Variants in COX5B observed in about 807,000 individuals in gnomAD.
COX5B encodes cytochrome c oxidase subunit 5B.
A neutral mutation model predicts 16.2 loss-of-function variants in COX5B; 8 were observed. The ratio of observed to expected loss-of-function variants is 0.49; its 90% CI spans 0.29 to 0.89. The LOEUF is 0.89. COX5B is among the 40% of genes least tolerant of loss of function. COX5B has a pLI of 0.08. For missense variants in COX5B, 161 were observed against 168.7 expected, an observed-to-expected ratio of 0.95 and a Z score of 0.25; for synonymous variants, 65 against 67.6, an observed-to-expected ratio of 0.96 and a Z score of 0.19.
rs555378905 is a variant in COX5B at position 97,648,370 on chromosome 2, A to G, written c.*262A>G. On this transcript the variant is annotated 3_prime_UTR_variant, in exon 4 of 4. Transcript: ENST00000258424. ...GACAACCCGTAATGCAATGAATGGG[A>G]CCACCTGGTATGAGAGAAAGGGGCG... 28 of 374,690 alleles carry G rather than the reference A, an allele frequency of 7.5e-5. No homozygotes were observed. The highest frequency in any genetic ancestry group is 5.9e-4 in the African/African-American group (28 of 47,306). The allele number at this position is 374,690 out of a possible 1,614,324, so 23.2% of individuals were successfully genotyped here. A position where few individuals can be genotyped will look rare whatever the true frequency, so the allele number is the denominator to read the frequency against.
At chr2:97,646,286 T>TCCCAGTGGCCGCTTTACGGTC (rs1387739837) in intron 1 of COX5B, 97 bp downstream of exon 1, 1 of 746,262 alleles carries the variant, frequency 1.3e-6, no homozygotes. Flanking sequence ...CTTCTCGAGG[T>TCCCAGTGGCCGCTTTACGGTC]CCCAGTGGCC....
chr2:97,647,202 G>C, intron 2 of COX5B, 62 bp downstream of exon 2: 1 of 1,569,266 alleles, frequency 6.4e-7, no homozygotes, highest in Non-Finnish European at 8.8e-7. Context: ...TGTTCATAGT[G>C]GTCTCCTCTC....
chr2:97,648,075 T>C lies in COX5B; in HGVS notation c.357T>C (p.His119=). ...AGCGATGCCCCCGCTGTGGAGCCCA[T>C]TACAAGCTGGTGCCCCAGCAGCTGG... ...EAQRCPRCGA[H]YKLVPQQLAH is the part of the protein sequence containing the mutation. Residue 119 remains histidine, a synonymous_variant, in exon 4 of 4, where the codon CAT becomes CAC. Coordinates refer to ENST00000258424, the MANE Select transcript of COX5B (RefSeq NM_001862.3). 1 of 1,610,066 alleles carries C rather than the reference T, an allele frequency of 6.2e-7. No individual in the cohort carries two copies. Among genetic ancestry groups the C allele is most frequent in the South Asian group, 1.1e-5 (1 of 90,356 alleles).
Position 97,648,198 on chromosome 2 carries a change from G to A in COX5B, c.*90G>A. ...TGCATTGGCTCCTTCTCCCATAGAT[G>A]GCTGGTCTTATTTCTTACCCGTATT... On this transcript the variant is annotated 3_prime_UTR_variant, in exon 4 of 4. Transcript: ENST00000258424. 1.8e-6 allele frequency: 2 copies of A among 1,084,310 alleles called. No homozygotes were observed. Among genetic ancestry groups the A allele is most frequent in the Non-Finnish European group, 2.6e-6 (2 of 765,174 alleles). The allele number at this position is 1,084,310 out of a possible 1,614,324, so 67.2% of individuals were successfully genotyped here. A position where few individuals can be genotyped will look rare whatever the true frequency, so the allele number is the denominator to read the frequency against.
At position 97,647,980 on chromosome 2, in the gene COX5B, C is replaced by CT; in HGVS notation, c.278-10dup. The CT allele has an allele frequency of 1.2e-6, 2 of 1,611,032 alleles. No homozygotes were observed. The highest frequency in any genetic ancestry group is 2.2e-5 in the East Asian group (1 of 44,840). ...TCTAGGTTGGATGACCATAAACCAC[C>CT]TTTTTTCCCTTTTAGGTGAAGAGGA... On this transcript the variant is annotated splice_polypyrimidine_tract_variant and intron_variant, in intron 3 of 3. Transcript: ENST00000258424.
At chr2:97,647,242 T>A in intron 2 of COX5B, 102 bp downstream of exon 2, 1 of 1,523,228 alleles carries the variant, frequency 6.6e-7, no homozygotes, top group Non-Finnish European at 9.1e-7. Context: ...AAACTTGGCT[T>A]GTAGGAACAG....
rs1674689284 is a variant in COX5B at position 97,648,117 on chromosome 2, A to AC, written c.*10dup. The stretch of plus-strand genomic sequence containing the variant: ...AGCAGCTGGCACACTGAGCACCTGC[A>AC]CTAAATTACTCAAAATGTGCTGTAA... On this transcript the variant is annotated 3_prime_UTR_variant, in exon 4 of 4. Transcript: ENST00000258424. 6.3e-7 allele frequency: 1 copy of AC among 1,584,402 alleles called. No individual in the cohort carries two copies. The highest frequency in any genetic ancestry group is 1.4e-5 in the African/African-American group (1 of 73,182).
At position 97,648,061 on chromosome 2, in the gene COX5B, C is replaced by T. The variant is rs144164793; in HGVS notation, c.343C>T (p.Arg115Cys). Residue 115 changes from arginine to cysteine, a missense_variant, in exon 4 of 4, where the codon CGC (arginine) becomes TGC (cysteine). Transcript: ENST00000258424. ...CAAAGGCGAGGCCCAGCGATGCCCC[C>T]GCTGTGGAGCCCATTACAAGCTGGT... The part of the protein sequence containing the change: ...LHKGEAQRCP[R>C]CGAHYKLVPQ... The T allele has an allele frequency of 5.8e-5, 94 of 1,613,186 alleles. No homozygotes were observed. In the South Asian group the frequency reaches 7.5e-4, roughly 13 times the overall value.
rs753534523 is a variant in COX5B, at chr2:97,647,324, GTTTTT to G, written c.178-18_178-14del. The G allele has an allele frequency of 3.8e-6, 6 of 1,599,510 alleles. No homozygotes were observed. The highest frequency in any genetic ancestry group is 4.3e-6 in the Non-Finnish European group (5 of 1,172,570). On this transcript the variant is annotated splice_polypyrimidine_tract_variant and intron_variant, in intron 2 of 3. Coordinates refer to ENST00000258424, the MANE Select transcript of COX5B (RefSeq NM_001862.3). Reference sequence around the variant, plus strand: ...ATTCTTGTTTTTTTTGTTTTGTTTTGTTTTTTGTTTTTTCTTCAGGACCCATACAA... The same window carrying G: ...ATTCTTGTTTTTTTTGTTTTGTTTTGTGTTTTTTCTTCAGGACCCATACAA...
chr2:97,647,461 A>G lies in COX5B; in HGVS notation c.277+18A>G, dbSNP rs774288762. The G allele has an allele frequency of 2.5e-6, 4 of 1,586,696 alleles. No individual in the cohort carries two copies. Among genetic ancestry groups the G allele is most frequent in the Non-Finnish European group, 3.5e-6 (4 of 1,157,060 alleles). ...CTGCATCTGTAAGTACCTCACCTCT[A>G]TTTTTTATCCACTTGCTTAATATAT... is the stretch of plus-strand genomic sequence containing the variant. On this transcript the variant is annotated intron_variant, in intron 3 of 3. Coordinates refer to ENST00000258424, the MANE Select transcript of COX5B (RefSeq NM_001862.3).
At chr2:97,646,855 GA>G (rs577991167) in intron 1 of COX5B, 123 of 440,912 alleles carry the variant, frequency 2.8e-4, no homozygotes, top group Middle Eastern at 6.6e-4. Flanking sequence ...TCTCAAAAAA[GA>G]AAAAAAAAGC....
chr2:97,646,956 G>A, intron 1 of COX5B, 111 bp from the exon 2 acceptor site: 5 of 1,085,232 alleles, frequency 4.6e-6, no homozygotes, highest in Admixed American at 2.0e-5. Context: ...TTGTGAGCCC[G>A]CTAAAACTTA....
At chr2:97,647,482 T>A in intron 3 of COX5B, 39 bp downstream of exon 3, 4 of 1,521,218 alleles carry the variant, frequency 2.6e-6, no homozygotes, top group Non-Finnish European at 2.7e-6. Flanking sequence ...ACTTGCTTAA[T>A]ATATCCTACA....
At chr2:97,646,536 C>T in intron 1 of COX5B, 2 of 248,944 alleles carry the variant, frequency 8.0e-6, no homozygotes, top group Non-Finnish European at 1.6e-5. Flanking sequence ...GACAAATTTG[C>T]CTCGGTGGTT....
chr2:97,647,470 C>G lies in COX5B; in HGVS notation c.277+27C>G, dbSNP rs771574597. On this transcript the variant is annotated intron_variant, in intron 3 of 3. Coordinates refer to ENST00000258424, the MANE Select transcript of COX5B (RefSeq NM_001862.3). ...TAAGTACCTCACCTCTATTTTTTAT[C>G]CACTTGCTTAATATATCCTACAATA... The G allele has an allele frequency of 2.6e-6, 4 of 1,561,080 alleles. No homozygotes were observed. In the South Asian group the frequency reaches 3.4e-5, roughly 13 times the overall value.
intron 1 of COX5B, 87 bp downstream of exon 1, chr2:97,646,276 C>A: frequency 2.4e-6 from 2 of 845,774 alleles, no homozygotes; most frequent in Non-Finnish European, 3.6e-6. Context: ...GCTCGTGCAG[C>A]TTCTCGAGGT....
chr2:97,646,471 C>T (rs1239105406), intron 1 of COX5B: 2 of 429,462 alleles, frequency 4.7e-6, no homozygotes, highest in Non-Finnish European at 4.2e-6. Flanking sequence ...GGCCTCCCTT[C>T]AAACCTGCGC....
intron 1 of COX5B, chr2:97,646,440 C>A: frequency 2.1e-6 from 1 of 481,142 alleles, no homozygotes. Flanking sequence ...CCGGGGCTGC[C>A]ACCGGGATGG....
Position 97,646,161 on chromosome 2 carries a change from G to C in COX5B, c.75G>C (p.Ala25=). 1 of 1,551,548 alleles carries C rather than the reference G, an allele frequency of 6.4e-7. No individual in the cohort carries two copies. The highest frequency in any genetic ancestry group is 8.7e-7 in the Non-Finnish European group (1 of 1,147,128). Residue 25 remains alanine, a synonymous_variant, in exon 1 of 4, where the codon GCG becomes GCC. Coordinates refer to ENST00000258424, the MANE Select transcript of COX5B (RefSeq NM_001862.3). ...QALRARGPSG[A]AAMRSMASGG... ...TGAGGGCTCGCGGCCCCAGTGGCGC[G>C]GCCGCGATGCGCTCCATGGCATCTG...
Sources: gnomAD v4.1 joint callset for allele counts on GRCh38, gnomAD v4.1.1 for gene constraint, MANE v1.5 for transcripts, NCBI Gene and HGNC (gene_info 2026-07-23, HGNC 2026-07-21) for gene names.